WSCD2: variants seen among roughly 807,000 people sequenced by gnomAD.
WSCD2 encodes the protein sialate:O-sulfotransferase 2.
Under a neutral mutation model 55.7 loss-of-function variants are expected in WSCD2, and 28 were observed. The observed-to-expected ratio is 0.50, with a 90% CI of 0.37 to 0.69. The LOEUF (loss-of-function observed/expected upper bound fraction) is 0.69, where lower values mean the gene tolerates loss of function less well. Among genes scored for constraint, WSCD2 ranks in the 30% least tolerant of loss-of-function variants. The pLI, the probability that WSCD2 is intolerant of heterozygous loss-of-function variation, is 0.00. For missense variants in WSCD2, 616 were observed against 762.1 expected (o/e 0.81, Z 2.26); for synonymous variants, 301 against 301.9 (o/e 1.00, Z 0.03).
Position 108,205,287 on chromosome 12 carries a change from C to T in WSCD2, c.383-1002C>T, listed in dbSNP as rs115748046. On this transcript the variant is annotated intron_variant, in intron 2 of 8. Coordinates refer to ENST00000547525, the MANE Select transcript of WSCD2 (RefSeq NM_014653.4). ...TGTTACTTTGAGCAAGTGACTTCTC[C>T]GGGCCCTTTTCTCTTCTGTATACAA... Among the ~76,000 whole-genome samples the T allele has an allele frequency of 6.7e-3, 1,020 of 152,242 alleles. 22 individuals are homozygous for T. The highest frequency in any genetic ancestry group is 0.024 in the African/African-American group (978 of 41,524).
chr12:108,231,056 G>A (rs1888696594), intron 6 of WSCD2, among the ~76,000 whole-genome samples: 1 of 152,156 alleles, frequency 6.6e-6, no homozygotes, highest in Admixed American at 6.5e-5. Flanking sequence ...AAAAATATTG[G>A]GGTTTGGAAG....
chr12:108,135,865 G>C (rs56393901), intron 1 of WSCD2, among the ~76,000 whole-genome samples: 118,416 of 151,748 alleles, frequency 0.78, 46,735 homozygotes, highest in East Asian at 0.91. Flanking sequence ...CCATTCATTG[G>C]CTATTGTCTA....
Position 108,248,386 on chromosome 12 carries a change from G to T in WSCD2, c.*43G>T. 6.3e-7 allele frequency: 1 copy of T among 1,576,312 alleles called. No homozygotes were observed. The highest frequency in any genetic ancestry group is 8.6e-7 in the Non-Finnish European group (1 of 1,158,520). ...AGGGTAGACTGGGAGTCCTGACCACGCAGGCCCTGGGGACTCAAGACCCCT... is the reference window on the plus strand; with the variant it reads ...AGGGTAGACTGGGAGTCCTGACCACTCAGGCCCTGGGGACTCAAGACCCCT... On this transcript the variant is annotated 3_prime_UTR_variant, in exon 9 of 9. Coordinates refer to ENST00000547525, the MANE Select transcript of WSCD2 (RefSeq NM_014653.4). The surrounding 1 kb of genome is among the most constrained non-coding windows in gnomAD (Gnocchi z 4.3).
chr12:108,176,040 C>T (rs570175263), intron 1 of WSCD2, among the ~76,000 whole-genome samples: 1 of 152,194 alleles, frequency 6.6e-6, no homozygotes, highest in Non-Finnish European at 1.5e-5. Flanking sequence ...GGGGTTTCAC[C>T]GTGTTAGCCA....
At chr12:108,166,479 C>T (rs748103161) in intron 1 of WSCD2, among the ~76,000 whole-genome samples, 16 of 152,280 alleles carry the variant, frequency 1.1e-4, no homozygotes, top group Non-Finnish European at 1.9e-4. Context: ...ATGTTTATTG[C>T]CCTTGGGATT....
rs77631717 is a variant in WSCD2, at chr12:108,138,504, A to G, written c.-552+8578A>G. Reference sequence around the variant, plus strand: ...TCCATGTCCTCGTCTGTAAAATGGCAATAATACCTACCTCATAGGGTTCTT... The same window carrying G: ...TCCATGTCCTCGTCTGTAAAATGGCGATAATACCTACCTCATAGGGTTCTT... On this transcript the variant is annotated intron_variant, in intron 1 of 8. Coordinates refer to ENST00000547525, the MANE Select transcript of WSCD2 (RefSeq NM_014653.4). Among the ~76,000 whole-genome samples the G allele has an allele frequency of 9.7e-4, 148 of 152,276 alleles. 3 individuals carry two copies. In the East Asian group the frequency reaches 0.022, roughly 23 times the overall value.
intron 1 of WSCD2, among the ~76,000 whole-genome samples, chr12:108,177,326 C>A (rs1159091869): frequency 6.6e-6 from 1 of 152,080 alleles, no homozygotes; most frequent in Non-Finnish European, 1.5e-5. Context: ...TGGTGCCTGG[C>A]CCAGAGTGAG....
At chr12:108,171,849 A>G (rs1281635024) in intron 1 of WSCD2, 1 of 152,236 alleles carries the variant, frequency 6.6e-6, no homozygotes, top group African/African-American at 2.4e-5. Flanking sequence ...ATATTTGGGA[A>G]GAATTTTGTC....
rs539149089 is a variant in WSCD2 at position 108,158,183 on chromosome 12, T to G, written c.-552+28257T>G. ...CAATAATTTATGCTAATGCTGCAATTCACCCTACTGACCTCGTTTCTGGAG... is the reference window on the plus strand; with the variant it reads ...CAATAATTTATGCTAATGCTGCAATGCACCCTACTGACCTCGTTTCTGGAG... On this transcript the variant is annotated intron_variant, in intron 1 of 8. Transcript: ENST00000547525. Among the ~76,000 whole-genome samples the G allele has an allele frequency of 7.2e-5, 11 of 152,286 alleles. No homozygotes were observed. The South Asian group carries it at 2.1e-3, about 29-fold the overall frequency.
intron 4 of WSCD2, among the ~76,000 whole-genome samples, chr12:108,217,241 CAGAG>C (rs1430325870): frequency 2.0e-4 from 30 of 152,346 alleles, no homozygotes; most frequent in Non-Finnish European, 8.8e-5. Flanking sequence ...CTCGGGACAC[CAGAG>C]CCTTTTGCAA....
intron 1 of WSCD2, among the ~76,000 whole-genome samples, chr12:108,184,713 G>T (rs1882237166): frequency 6.6e-6 from 1 of 152,204 alleles, no homozygotes; most frequent in Admixed American, 6.5e-5. Context: ...TGAACTCTAG[G>T]ATTCTATGGT....
chr12:108,223,288 G>A (rs1887730025), intron 4 of WSCD2, among the ~76,000 whole-genome samples: 1 of 152,146 alleles, frequency 6.6e-6, no homozygotes, highest in Admixed American at 6.5e-5. Flanking sequence ...ACTGTCCAGG[G>A]ACATCACAGT....
At chr12:108,232,191 A>G (rs1023917801) in intron 6 of WSCD2, among the ~76,000 whole-genome samples, 2 of 152,188 alleles carry the variant, frequency 1.3e-5, no homozygotes, top group African/African-American at 2.4e-5. Flanking sequence ...ACTGCATCCT[A>G]TACTCAAAAG....
intron 8 of WSCD2, among the ~76,000 whole-genome samples, chr12:108,247,703 G>T (rs1359325040): frequency 1.3e-5 from 2 of 152,142 alleles, no homozygotes; most frequent in African/African-American, 4.8e-5. Flanking sequence ...CTGCAAGCAT[G>T]CACCTCCATG....
intron 7 of WSCD2, among the ~76,000 whole-genome samples, chr12:108,235,537 A>G (rs1185676197): frequency 1.3e-5 from 2 of 152,138 alleles, no homozygotes; most frequent in Admixed American, 1.3e-4. Context: ...GACCCAAAAC[A>G]TTCCAAAAAT....
intron 1 of WSCD2, among the ~76,000 whole-genome samples, chr12:108,166,807 CTCT>C (rs1879708584): frequency 1.7e-5 from 1 of 58,158 alleles, no homozygotes; most frequent in Non-Finnish European, 3.6e-5. Context: ...CTTTCTTTCT[CTCT>C]TTTTTTCTTT....
chr12:108,181,558 A>C (rs1881763756), intron 1 of WSCD2, among the ~76,000 whole-genome samples: 1 of 152,080 alleles, frequency 6.6e-6, no homozygotes, highest in African/African-American at 2.4e-5. Flanking sequence ...ACCCATTTAC[A>C]AGTTGGGAAA....
rs192509213 is a variant in WSCD2 at position 108,146,309 on chromosome 12, G to T, written c.-552+16383G>T. Reference sequence around the variant, plus strand: ...CCTCTGAAATCCTGTTTTAAGCCAAGTTACTCTGTAGTTGAGTGTGGGTGC... The same window carrying T: ...CCTCTGAAATCCTGTTTTAAGCCAATTTACTCTGTAGTTGAGTGTGGGTGC... On this transcript the variant is annotated intron_variant, in intron 1 of 8. Coordinates refer to ENST00000547525, the MANE Select transcript of WSCD2 (RefSeq NM_014653.4). Among the ~76,000 whole-genome samples, 162 of 152,328 alleles carry T rather than the reference G, an allele frequency of 1.1e-3. 3 individuals are homozygous for T. In the South Asian group the frequency reaches 0.013, roughly 12 times the overall value.
intron 1 of WSCD2, among the ~76,000 whole-genome samples, chr12:108,169,886 C>G (rs1321035148): frequency 6.6e-6 from 1 of 152,052 alleles, no homozygotes; most frequent in Non-Finnish European, 1.5e-5. Flanking sequence ...GATATAACAC[C>G]CCAAACAAGG....
Sources: gnomAD v4.1 joint callset for allele counts (sites outside exome capture counted in the v4.1 genomes callset) on GRCh38, gnomAD v4.1.1 for gene constraint, Gnocchi (gnomAD v3.1) non-coding constraint, MANE v1.5 for transcripts, NCBI Gene and HGNC (gene_info 2026-07-23, HGNC 2026-07-21) for gene names.